Variants in GNAL observed in about 807,000 individuals in gnomAD.
GNAL encodes guanine nucleotide-binding protein G(olf) subunit alpha.
Under a neutral mutation model 55.1 loss-of-function variants are expected in GNAL, and 18 were observed. The observed-to-expected ratio is 0.33, with a 90% confidence interval of 0.23 to 0.48. The LOEUF is 0.48. Among genes scored for constraint, GNAL ranks in the 20% least tolerant of loss-of-function variants. GNAL has a pLI of 0.99. For missense variants in GNAL, 412 were observed against 614.1 expected (o/e 0.67, Z 3.48); for synonymous variants, 253 against 237.0 (o/e 1.07, Z -0.62).
At chr18:11,734,206 C>T (rs2032410290) in intron 1 of GNAL, among the ~76,000 whole-genome samples, 2 of 149,772 alleles carry the variant, frequency 1.3e-5, no homozygotes, top group South Asian at 2.1e-4. Flanking sequence ...TGCAGTGGCG[C>T]GATCTCAGCT....
At chr18:11,822,265 C>T (rs2035116829) in intron 4 of GNAL, among the ~76,000 whole-genome samples, 1 of 152,086 alleles carries the variant, frequency 6.6e-6, no homozygotes, top group African/African-American at 2.4e-5. Context: ...ATTATGAGAC[C>T]TCCCTTCCCA....
intron 4 of GNAL, among the ~76,000 whole-genome samples, chr18:11,804,773 T>TG (rs199580874): frequency 2.5e-5 from 3 of 120,546 alleles, no homozygotes; most frequent in Admixed American, 7.4e-5. Context: ...CAGGTGCAGT[T>TG]TGAGTGGAAC....
rs573418165 is a variant in GNAL at position 11,706,260 on chromosome 18, G to A, written c.376+16321G>A. On this transcript the variant is annotated intron_variant, in intron 1 of 11. Transcript: ENST00000334049. ...AGAAAGTCACATGAATTTTTTTCTC[G>A]GTGCATATAAAAGTTGTGTTTATAC... 5.4e-4 allele frequency among the ~76,000 whole-genome samples: 82 copies of A among 151,144 alleles called. 1 individual carries two copies. The highest frequency in any genetic ancestry group is 1.8e-3 in the African/African-American group (72 of 41,116).
intron 1 of GNAL, chr18:11,745,694 T>G (rs1482667133): frequency 1.3e-5 from 2 of 157,944 alleles, no homozygotes; most frequent in Non-Finnish European, 2.8e-5. Context: ...GTTTTGAGAA[T>G]GCCAATGGAC....
intron 1 of GNAL, among the ~76,000 whole-genome samples, chr18:11,712,064 G>A (rs988965341): frequency 3.9e-5 from 6 of 152,190 alleles, no homozygotes; most frequent in African/African-American, 7.2e-5. Context: ...CCCTCCCTCC[G>A]TGGGGAGAAG....
intron 1 of GNAL, among the ~76,000 whole-genome samples, chr18:11,719,990 C>G (rs552272391): frequency 8.5e-4 from 129 of 152,330 alleles, no homozygotes; most frequent in Non-Finnish European, 1.0e-3. Context: ...CAGCAGGGCT[C>G]CTCAACCTTT....
At chr18:11,780,577 C>G (rs896934482) in intron 4 of GNAL, among the ~76,000 whole-genome samples, 1 of 152,068 alleles carries the variant, frequency 6.6e-6, no homozygotes, top group Non-Finnish European at 1.5e-5. Flanking sequence ...CCAGTCAGCT[C>G]CAGTAAAGTG....
At chr18:11,859,676 C>T (rs1029060642) in intron 5 of GNAL, among the ~76,000 whole-genome samples, 2 of 152,196 alleles carry the variant, frequency 1.3e-5, no homozygotes, top group East Asian at 3.8e-4. Flanking sequence ...ACTGGCTGAT[C>T]AGGGTCCCTT....
At chr18:11,877,603 A>G (rs564382834) in intron 11 of GNAL, among the ~76,000 whole-genome samples, 1 of 145,268 alleles carries the variant, frequency 6.9e-6, no homozygotes, top group Non-Finnish European at 1.5e-5. Context: ...GCTTCAAACT[A>G]TTACATGCCA....
intron 5 of GNAL, among the ~76,000 whole-genome samples, chr18:11,834,886 C>T (rs113987687): frequency 2.1e-4 from 32 of 152,290 alleles, no homozygotes; most frequent in African/African-American, 5.5e-4. Context: ...GTGAGGAGAG[C>T]TTGGGCCCTG....
At chr18:11,864,634 C>T in intron 7 of GNAL, 28 bp downstream of exon 7, 1 of 1,197,356 alleles carries the variant, frequency 8.4e-7, no homozygotes, top group Admixed American at 1.7e-5. Flanking sequence ...AGCTGCATGG[C>T]CCAGGGCCAC....
intron 5 of GNAL, among the ~76,000 whole-genome samples, chr18:11,859,407 C>T (rs923503124): frequency 1.3e-5 from 2 of 152,208 alleles, no homozygotes; most frequent in African/African-American, 4.8e-5. Flanking sequence ...CTCAGTGTGT[C>T]CTTCCACCAC....
chr18:11,723,551 A>G (rs1460021667), intron 1 of GNAL, among the ~76,000 whole-genome samples: 1 of 152,246 alleles, frequency 6.6e-6, no homozygotes, highest in African/African-American at 2.4e-5. Flanking sequence ...TGAAAGAGGC[A>G]CATAGTGCTA....
intron 5 of GNAL, among the ~76,000 whole-genome samples, chr18:11,834,136 A>C (rs2035449902): frequency 6.6e-6 from 1 of 152,256 alleles, no homozygotes; most frequent in Non-Finnish European, 1.5e-5. Flanking sequence ...TTTAGTTTAC[A>C]TATTCACATT....
intron 4 of GNAL, among the ~76,000 whole-genome samples, chr18:11,809,587 G>A (rs2034756979): frequency 6.6e-6 from 1 of 152,092 alleles, no homozygotes; most frequent in Non-Finnish European, 1.5e-5. Context: ...ACAAAAATTA[G>A]CAAGGCATGG....
At chr18:11,749,335 G>A (rs1324002932) in intron 1 of GNAL, among the ~76,000 whole-genome samples, 2 of 152,064 alleles carry the variant, frequency 1.3e-5, no homozygotes, top group East Asian at 1.9e-4. Flanking sequence ...GTTTGCTTCT[G>A]CCTGTCTAGA....
intron 4 of GNAL, among the ~76,000 whole-genome samples, chr18:11,802,870 C>A (rs2034555413): frequency 6.6e-6 from 1 of 152,056 alleles, no homozygotes; most frequent in African/African-American, 2.4e-5. Flanking sequence ...AAGGGCACGG[C>A]AGTGGCCCAA....
chr18:11,722,054 T>C (rs1255310187), intron 1 of GNAL, among the ~76,000 whole-genome samples: 3 of 152,188 alleles, frequency 2.0e-5, no homozygotes, highest in African/African-American at 4.8e-5. Context: ...TCATCGGTGT[T>C]AACATCACTA....
intron 1 of GNAL, among the ~76,000 whole-genome samples, chr18:11,694,809 G>T (rs1306292464): frequency 1.3e-5 from 2 of 152,210 alleles, no homozygotes; most frequent in African/African-American, 4.8e-5. Context: ...GAGGTTGGAA[G>T]TCTAAGATCA....
Sources: allele counts gnomAD v4.1 joint callset (sites outside exome capture counted in the v4.1 genomes callset), GRCh38; gene constraint gnomAD v4.1.1; transcripts MANE v1.5; gene names NCBI Gene and HGNC (gene_info 2026-07-23, HGNC 2026-07-21).